Variants in ANK2 observed in about 807,000 individuals in gnomAD.
The protein encoded by ANK2 is ankyrin 2.
ANK2 carries 83 observed loss-of-function variants against 360.5 expected under a neutral mutation model. The observed-to-expected ratio is 0.23, with a 90% CI of 0.19 to 0.28. The LOEUF (loss-of-function observed/expected upper bound fraction) is 0.28, where lower values mean the gene tolerates loss of function less well. ANK2 is among the 10% of genes least tolerant of loss of function. The pLI, the probability that ANK2 is intolerant of heterozygous loss-of-function variation, is 1.00. For missense variants in ANK2, 4,201 were observed against 4,795.7 expected, an observed-to-expected ratio of 0.88 and a Z score of 3.66; for synonymous variants, 1,740 against 1,759.5, an observed-to-expected ratio of 0.99 and a Z score of 0.28.
At chr4:113,340,953 G>T (rs1422266300) in intron 32 of ANK2, among the ~76,000 whole-genome samples, 1 of 152,090 alleles carries the variant, frequency 6.6e-6, no homozygotes, top group African/African-American at 2.4e-5. Flanking sequence ...TCTTTGTGAA[G>T]TTAGCTCTCT....
intron 1 of ANK2, among the ~76,000 whole-genome samples, chr4:113,171,952 C>G (rs2097976397): frequency 6.6e-6 from 1 of 152,144 alleles, no homozygotes; most frequent in Admixed American, 6.5e-5. Flanking sequence ...GTGTCAGGCT[C>G]TTCTTCTGGC....
chr4:112,766,904 C>T, the ANK2 span, among the ~76,000 whole-genome samples: 1 of 152,178 alleles, frequency 6.6e-6, no homozygotes, highest in African/African-American at 2.4e-5. Flanking sequence ...GGAAACAAAC[C>T]ACACACATTT....
At chr4:112,891,934 A>C (rs908713548) in intron 1 of ANK2, among the ~76,000 whole-genome samples, 3 of 152,222 alleles carry the variant, frequency 2.0e-5, no homozygotes, top group Non-Finnish European at 4.4e-5. Flanking sequence ...ATATTTACTA[A>C]AGGAATGAAT....
intron 1 of ANK2, among the ~76,000 whole-genome samples, chr4:113,133,634 A>G (rs965555778): frequency 1.3e-5 from 2 of 152,220 alleles, no homozygotes; most frequent in African/African-American, 4.8e-5. Context: ...CATCTGATTC[A>G]AAAAGAGAAA....
chr4:112,778,064 G>C, the ANK2 span, among the ~76,000 whole-genome samples: 1 of 151,892 alleles, frequency 6.6e-6, no homozygotes, highest in South Asian at 2.1e-4. Flanking sequence ...CTGCCTCCTG[G>C]GTTCAAGCGA....
At chr4:113,362,833 C>A (rs1230880668) in intron 39 of ANK2, among the ~76,000 whole-genome samples, 1 of 152,132 alleles carries the variant, frequency 6.6e-6, no homozygotes, top group African/African-American at 2.4e-5. Context: ...TCCTCGACCT[C>A]TTATTCAGTT....
In ANK2 at chr4:112,914,516, G is replaced by A. The variant is rs553161326; in HGVS notation, c.21+10002G>A. ...CACAAGCCCGTAATCCCAGCTACCC[G>A]GGAGGCTGAGGTAGAAGAATCACTT... On this transcript the variant is annotated intron_variant, in intron 2 of 30. Transcript: ENST00000503271. Among the ~76,000 whole-genome samples the A allele has an allele frequency of 3.3e-5, 5 of 152,220 alleles. No homozygotes were observed. In the East Asian group the frequency reaches 7.7e-4, roughly 24 times the overall value.
At chr4:112,950,940 G>C (rs1390531428) in intron 2 of ANK2, among the ~76,000 whole-genome samples, 1 of 151,028 alleles carries the variant, frequency 6.6e-6, no homozygotes, top group African/African-American at 2.4e-5. Context: ...AAATTAGCCG[G>C]GCGTAGTGGC....
At chr4:113,267,209 AC>A (rs2056523695) in intron 14 of ANK2, among the ~76,000 whole-genome samples, 1 of 151,932 alleles carries the variant, frequency 6.6e-6, no homozygotes, top group African/African-American at 2.4e-5. Context: ...TTGCTTGTTC[AC>A]TCTGATGATA....
the ANK2 span, among the ~76,000 whole-genome samples, chr4:112,728,682 A>G: frequency 0.99 from 150,678 of 152,216 alleles, 74,595 homozygotes; most frequent in East Asian, 1. Flanking sequence ...AGCCCCGGGG[A>G]GTTGAGGCTG....
intron 1 of ANK2, chr4:112,904,426 C>T: frequency 8.1e-7 from 1 of 1,229,234 alleles, no homozygotes; most frequent in South Asian, 1.5e-5. Flanking sequence ...TTTCAAACTT[C>T]TAATATTTTC....
the ANK2 span, among the ~76,000 whole-genome samples, chr4:112,791,272 C>T: frequency 6.6e-6 from 1 of 152,112 alleles, no homozygotes; most frequent in African/African-American, 2.4e-5. Context: ...GAGATTCCCA[C>T]AGTAGGAGAG....
At chr4:112,929,033 A>G (rs1319206147) in intron 2 of ANK2, among the ~76,000 whole-genome samples, 1 of 151,828 alleles carries the variant, frequency 6.6e-6, no homozygotes. Flanking sequence ...TTGTATTTTT[A>G]GTAGAGACGG....
chr4:113,348,603 G>T (rs2095147542), intron 36 of ANK2, among the ~76,000 whole-genome samples: 1 of 152,028 alleles, frequency 6.6e-6, no homozygotes, highest in African/African-American at 2.4e-5. Flanking sequence ...AAGACATCTA[G>T]TGGTTGAAAC....
At chr4:112,706,839 C>T in the ANK2 span, 2 of 152,236 alleles carry the variant, frequency 1.3e-5, no homozygotes, top group Non-Finnish European at 2.9e-5. Context: ...CTTCCCCCAG[C>T]ACTGCAAGGA....
chr4:112,796,538 C>T, the ANK2 span, among the ~76,000 whole-genome samples: 782 of 151,638 alleles, frequency 5.2e-3, 3 homozygotes, highest in Non-Finnish European at 8.3e-3. Flanking sequence ...TAAATAGAGA[C>T]GGGTTCTCAC....
the ANK2 span, among the ~76,000 whole-genome samples, chr4:112,732,289 G>C: frequency 7.0e-6 from 1 of 143,060 alleles, no homozygotes; most frequent in Admixed American, 7.2e-5. Flanking sequence ...TGGCCCTGTT[G>C]CCCAGGCTGG....
chr4:113,224,876 G>GTT (rs11325379), intron 4 of ANK2, among the ~76,000 whole-genome samples: 5 of 133,244 alleles, frequency 3.8e-5, no homozygotes, highest in African/African-American at 5.6e-5. Flanking sequence ...GATCTTTGAA[G>GTT]TTTTTTTTTT....
At chr4:113,120,321 A>G (rs977883579) in intron 1 of ANK2, among the ~76,000 whole-genome samples, 7 of 152,256 alleles carry the variant, frequency 4.6e-5, no homozygotes, top group Non-Finnish European at 1.0e-4. Flanking sequence ...ATTAGCAAGT[A>G]ATTTCTTTGT....
Sources: allele counts gnomAD v4.1 joint callset (sites outside exome capture counted in the v4.1 genomes callset), GRCh38; gene constraint gnomAD v4.1.1; transcripts MANE v1.5; gene names NCBI Gene and HGNC (gene_info 2026-07-23, HGNC 2026-07-21).